BMP5: variants seen among roughly 807,000 people sequenced by gnomAD.
The protein encoded by BMP5 is bone morphogenetic protein 5.
In BMP5, 23 loss-of-function variants were observed where a neutral mutation model predicts 46.6. The ratio of observed to expected loss-of-function variants is 0.49; its 90% confidence interval spans 0.35 to 0.70. The LOEUF is 0.70. BMP5 is among the 30% of genes least tolerant of loss of function. The pLI is 0.00. For missense variants in BMP5, 545 were observed against 565.6 expected, an observed-to-expected ratio of 0.96 and a Z score of 0.37; for synonymous variants, 204 against 191.9, an observed-to-expected ratio of 1.06 and a Z score of -0.52.
At chr6:55,846,371 G>A (rs1480256318) in intron 1 of BMP5, among the ~76,000 whole-genome samples, 1 of 151,938 alleles carries the variant, frequency 6.6e-6, no homozygotes, top group Admixed American at 6.6e-5. Flanking sequence ...GAAGACACAT[G>A]GTAGTTGTTC....
At chr6:55,860,563 T>C (rs1447183890) in intron 1 of BMP5, among the ~76,000 whole-genome samples, 1 of 152,098 alleles carries the variant, frequency 6.6e-6, no homozygotes, top group Non-Finnish European at 1.5e-5. Context: ...TATTGGTAGA[T>C]TGGGTACGAG....
intron 1 of BMP5, among the ~76,000 whole-genome samples, chr6:55,864,145 T>C (rs957160030): frequency 1.3e-5 from 2 of 152,160 alleles, no homozygotes; most frequent in African/African-American, 4.8e-5. Flanking sequence ...CCTTAAATGG[T>C]GGTTCGAATA....
At chr6:55,764,750 G>A (rs1201092854) in intron 4 of BMP5, among the ~76,000 whole-genome samples, 1 of 151,106 alleles carries the variant, frequency 6.6e-6, no homozygotes, top group East Asian at 1.9e-4. Context: ...CCTGAAGATA[G>A]GTAGAGAGTA....
intron 2 of BMP5, among the ~76,000 whole-genome samples, chr6:55,812,064 C>T (rs943984836): frequency 1.3e-5 from 2 of 152,130 alleles, no homozygotes; most frequent in African/African-American, 4.8e-5. Flanking sequence ...GCTGAATTAT[C>T]TGGAAAATTC....
At chr6:55,770,987 T>C (rs1775034938) in intron 4 of BMP5, among the ~76,000 whole-genome samples, 1 of 151,730 alleles carries the variant, frequency 6.6e-6, no homozygotes, top group Admixed American at 6.6e-5. Context: ...ATAATAACAG[T>C]AAAATTTTGA....
intron 1 of BMP5, among the ~76,000 whole-genome samples, chr6:55,847,606 T>C (rs1777129601): frequency 6.6e-6 from 1 of 151,922 alleles, no homozygotes; most frequent in Admixed American, 6.6e-5. Flanking sequence ...GACAAATATA[T>C]TAATGGAAAA....
intron 4 of BMP5, among the ~76,000 whole-genome samples, chr6:55,760,820 G>A (rs767873827): frequency 5.3e-5 from 8 of 151,780 alleles, no homozygotes; most frequent in East Asian, 1.9e-4. Flanking sequence ...GGTGTCTGTC[G>A]TTCATTGAGT....
chr6:55,867,128 G>A (rs12210643), intron 1 of BMP5, among the ~76,000 whole-genome samples: 67 of 152,284 alleles, frequency 4.4e-4, no homozygotes, highest in Admixed American at 7.2e-4. Flanking sequence ...AATGGGTTCT[G>A]TGGCTCTCTG....
chr6:55,850,230 G>A lies in BMP5; in HGVS notation c.490+24146C>T, dbSNP rs960832095. Among the ~76,000 whole-genome samples the A allele has an allele frequency of 2.0e-5, 3 of 152,076 alleles. No homozygotes were observed. In the South Asian group the frequency reaches 6.2e-4, roughly 32 times the overall value. The stretch of plus-strand genomic sequence containing the variant: ...ATTTATATTGTAATTTTGTTGTTGA[G>A]GATTATATGAGCTAATACATATAAA... On this transcript the variant is annotated intron_variant, in intron 1 of 6. Coordinates refer to ENST00000370830, the MANE Select transcript of BMP5 (RefSeq NM_021073.4).
chr6:55,867,572 A>C (rs1417402802), intron 1 of BMP5, among the ~76,000 whole-genome samples: 1 of 152,172 alleles, frequency 6.6e-6, no homozygotes, highest in African/African-American at 2.4e-5. Context: ...CACAACATGT[A>C]ATCAAACATG....
chr6:55,800,401 C>A (rs1434654967), intron 2 of BMP5, among the ~76,000 whole-genome samples: 2 of 152,162 alleles, frequency 1.3e-5, no homozygotes, highest in African/African-American at 2.4e-5. Flanking sequence ...TCATTATCTA[C>A]CTATGCTTAT....
chr6:55,849,723 C>A (rs1351703097), intron 1 of BMP5, among the ~76,000 whole-genome samples: 1 of 152,024 alleles, frequency 6.6e-6, no homozygotes, highest in Non-Finnish European at 1.5e-5. Context: ...TTCCTTCAAG[C>A]ATTCCTAATA....
At chr6:55,777,398 A>G (rs1450940884) in intron 3 of BMP5, among the ~76,000 whole-genome samples, 1 of 152,030 alleles carries the variant, frequency 6.6e-6, no homozygotes, top group Admixed American at 6.6e-5. Flanking sequence ...TGATTTAGAA[A>G]CACATTACCT....
At chr6:55,788,134 A>G (rs1775492389) in intron 3 of BMP5, among the ~76,000 whole-genome samples, 1 of 151,686 alleles carries the variant, frequency 6.6e-6, no homozygotes, top group Non-Finnish European at 1.5e-5. Flanking sequence ...AATACTAGTA[A>G]TTTGTCCTGA....
intron 3 of BMP5, among the ~76,000 whole-genome samples, chr6:55,792,059 C>T (rs1775583438): frequency 6.6e-6 from 1 of 152,144 alleles, no homozygotes; most frequent in East Asian, 1.9e-4. Context: ...TCTGAGGATC[C>T]TTTAATGATA....
chr6:55,824,148 C>A (rs1290301906), intron 1 of BMP5, among the ~76,000 whole-genome samples: 1 of 151,886 alleles, frequency 6.6e-6, no homozygotes, highest in African/African-American at 2.4e-5. Context: ...TAAGAAAGAT[C>A]TTTGTCTTAT....
chr6:55,875,088 A>G lies in BMP5; in HGVS notation c.-223T>C. The G allele has an allele frequency of 2.0e-6, 1 of 505,290 alleles. No homozygotes were observed. The highest frequency in any genetic ancestry group is 3.5e-6 in the Non-Finnish European group (1 of 287,310). The allele number at this position is 505,290 out of a possible 1,614,324, so 31.3% of individuals were successfully genotyped here. ...GAGTAGTTATTTCTAAGAAAGCTGAAACTCAGATTTCCAATTATCCACAGT... is the reference window on the plus strand; with the variant it reads ...GAGTAGTTATTTCTAAGAAAGCTGAGACTCAGATTTCCAATTATCCACAGT... On this transcript the variant is annotated 5_prime_UTR_variant, in exon 1 of 7. Coordinates refer to ENST00000370830, the MANE Select transcript of BMP5 (RefSeq NM_021073.4).
At chr6:55,772,970 T>C in intron 4 of BMP5, 1 of 964,788 alleles carries the variant, frequency 1.0e-6, no homozygotes, top group Non-Finnish European at 1.2e-6. Flanking sequence ...TAAACACTCA[T>C]GCATGTTTGA....
chr6:55,816,196 A>T (rs1252212580), intron 2 of BMP5, among the ~76,000 whole-genome samples: 3 of 152,134 alleles, frequency 2.0e-5, no homozygotes, highest in African/African-American at 7.2e-5. Flanking sequence ...TAGGATATGT[A>T]TATGGAAGTA....
Sources: allele counts gnomAD v4.1 joint callset (sites outside exome capture counted in the v4.1 genomes callset), GRCh38; gene constraint gnomAD v4.1.1; transcripts MANE v1.5; gene names NCBI Gene and HGNC (gene_info 2026-07-23, HGNC 2026-07-21).